MTMR6: variants seen among roughly 807,000 people sequenced by gnomAD.
MTMR6 encodes the protein myotubularin related protein 6.
MTMR6 carries 47 observed loss-of-function variants against 80.1 expected under a neutral mutation model. That is an observed-to-expected ratio of 0.59 (90% CI 0.46 to 0.75). The LOEUF (loss-of-function observed/expected upper bound fraction) is 0.75. Among genes scored for constraint, MTMR6 ranks in the 30% least tolerant of loss-of-function variants. The pLI is 0.00. For synonymous variants in MTMR6, 254 were observed against 253.0 expected (o/e 1.00, Z -0.04); for missense variants, 629 against 730.9 (o/e 0.86, Z 1.61).
chr13:25,258,014 T>G (rs1327525437), intron 7 of MTMR6, among the ~76,000 whole-genome samples, 169 bp from the exon 8 acceptor site: 1 of 152,228 alleles, frequency 6.6e-6, no homozygotes, highest in Non-Finnish European at 1.5e-5. Context: ...CTTGGATATA[T>G]TTTTCTATTA....
intron 1 of MTMR6, among the ~76,000 whole-genome samples, chr13:25,276,729 A>C (rs1220576975): frequency 6.6e-6 from 1 of 152,188 alleles, no homozygotes; most frequent in Non-Finnish European, 1.5e-5. Flanking sequence ...AATGACTCCC[A>C]AAACTGTATG....
chr13:25,260,815 T>C (rs893155744), intron 6 of MTMR6: 3 of 355,304 alleles, frequency 8.4e-6, no homozygotes, highest in Non-Finnish European at 1.3e-5. Context: ...CTGAAATTTG[T>C]CCCAATGATA....
At chr13:25,268,887 C>T (rs1488212298) in intron 2 of MTMR6, among the ~76,000 whole-genome samples, 1 of 152,172 alleles carries the variant, frequency 6.6e-6, no homozygotes. Context: ...CCTAGGAAAC[C>T]CCCTCCCCCT....
chr13:25,269,702 TAAATC>T (rs1376464728), intron 2 of MTMR6, among the ~76,000 whole-genome samples: 4 of 151,922 alleles, frequency 2.6e-5, no homozygotes, highest in African/African-American at 9.7e-5. Flanking sequence ...TTATACATCT[TAAATC>T]TAAAGTTCAC....
chr13:25,272,773 A>G lies in MTMR6; in HGVS notation c.141+1298T>C, dbSNP rs186542926. On this transcript the variant is annotated intron_variant, in intron 2 of 13. Coordinates refer to ENST00000381801, the MANE Select transcript of MTMR6 (RefSeq NM_004685.5). Reference sequence around the variant, plus strand: ...CATCCATGTTGCTGTAAAGGCCATGATTTTGTTCTCTTTTTATGGCTGTGG... The same window carrying G: ...CATCCATGTTGCTGTAAAGGCCATGGTTTTGTTCTCTTTTTATGGCTGTGG... Among the ~76,000 whole-genome samples, 15 of 152,266 alleles carry G rather than the reference A, an allele frequency of 9.9e-5. No individual in the cohort carries two copies. The East Asian group carries it at 2.9e-3, about 29-fold the overall frequency.
chr13:25,259,551 T>C (rs1022605474), intron 6 of MTMR6, among the ~76,000 whole-genome samples: 2 of 152,190 alleles, frequency 1.3e-5, no homozygotes, highest in Non-Finnish European at 2.9e-5. Context: ...ATTCGGTACC[T>C]AAAGTAAAAT....
chr13:25,285,847 C>T (rs1957945091), intron 1 of MTMR6, among the ~76,000 whole-genome samples: 1 of 151,992 alleles, frequency 6.6e-6, no homozygotes. Flanking sequence ...TACCGGTTTT[C>T]GATTGTGTGC....
chr13:25,258,092 A>C (rs9319211), intron 7 of MTMR6, among the ~76,000 whole-genome samples: 103,714 of 152,114 alleles, frequency 0.68, 38,639 homozygotes, highest in Non-Finnish European at 0.84. Context: ...AACTAAAAAT[A>C]ATCTTATATT....
Position 25,251,725 on chromosome 13 carries a change from T to C in MTMR6, c.1529A>G (p.Gln510Arg). 6.3e-7 allele frequency: 1 copy of C among 1,589,770 alleles called. No homozygotes were observed. Reference protein sequence around the residue: ...HQFDRTLHPRQSVFNIIMNMN... With the variant: ...HQFDRTLHPRRSVFNIIMNMN... ...ATTCATAATTATATTAAATACAGAC[T>C]GCCTAGGATGCAGTGTTCGATCAAA... Residue 510 changes from glutamine (Q) to arginine (R), a missense_variant, in exon 13 of 14, where the codon CAG becomes CGG. By Grantham distance (43) the Gln-to-Arg change is conservative. Transcript: ENST00000381801. This position sits in a 1 kb window ranked among gnomAD's most constrained non-coding sequence, Gnocchi z 4.1.
rs1276942740 is a variant in MTMR6, at chr13:25,247,521, C to T, written c.*1711G>A. ...ACCAGAGTTGAATACAAGAAGTCAG[C>T]CACAGAAGATTCTAAAACCACAATC... On this transcript the variant is annotated 3_prime_UTR_variant, in exon 14 of 14. Transcript: ENST00000381801. 2 of 152,178 alleles carry T rather than the reference C, an allele frequency of 1.3e-5. No homozygotes were observed. Among genetic ancestry groups the T allele is most frequent in the Admixed American group, 1.3e-4 (2 of 15,254 alleles). The allele number at this position is 152,178 out of a possible 1,614,324, so 9.4% of individuals were successfully genotyped here. A position where few individuals can be genotyped will look rare whatever the true frequency, so the allele number is the denominator to read the frequency against.
intron 2 of MTMR6, among the ~76,000 whole-genome samples, chr13:25,272,788 T>A (rs963039746): frequency 5.3e-5 from 8 of 152,210 alleles, no homozygotes; most frequent in African/African-American, 1.9e-4. Flanking sequence ...GTTCTCTTTT[T>A]ATGGCTGTGG....
chr13:25,263,144 C>T (rs4617697), intron 5 of MTMR6, among the ~76,000 whole-genome samples: 147,534 of 152,354 alleles, frequency 0.97, 71,599 homozygotes, highest in East Asian at 1. Context: ...GGGGAGATGA[C>T]AGCTGACTAG....
At chr13:25,257,632 A>T in intron 8 of MTMR6, 104 bp downstream of exon 8, 1 of 821,262 alleles carries the variant, frequency 1.2e-6, no homozygotes, top group Non-Finnish European at 1.9e-6. Context: ...GGTAAAAAAT[A>T]ATAAAAGTTA....
At chr13:25,260,684 G>A (rs1402984824) in intron 6 of MTMR6, 4 of 1,259,672 alleles carry the variant, frequency 3.2e-6, no homozygotes, top group Admixed American at 2.9e-5. Context: ...CTCTGCATGC[G>A]ACGCTATAAC....
In MTMR6 at chr13:25,277,625, A is replaced by G. The variant is rs962550156; in HGVS notation, c.25-3438T>C. ...CTATCTTTTCCCTACACAGTGGGTG[A>G]ACAGTAGGTATTCATTCAGTAATTC... On this transcript the variant is annotated intron_variant, in intron 1 of 13. Coordinates refer to ENST00000381801, the MANE Select transcript of MTMR6 (RefSeq NM_004685.5). 7.2e-4 allele frequency among the ~76,000 whole-genome samples: 110 copies of G among 152,224 alleles called. 2 individuals are homozygous for G. Among genetic ancestry groups the G allele is most frequent in the African/African-American group, 2.6e-3 (109 of 41,450 alleles).
intron 1 of MTMR6, among the ~76,000 whole-genome samples, chr13:25,274,671 C>G (rs960569114): frequency 6.6e-6 from 1 of 151,876 alleles, no homozygotes; most frequent in African/African-American, 2.4e-5. Flanking sequence ...GTTTTTTGTC[C>G]ACCTCTGGGC....
rs117781509 is a variant in MTMR6, at chr13:25,273,455, C to A, written c.141+616G>T. On this transcript the variant is annotated intron_variant, in intron 2 of 13. Transcript: ENST00000381801. ...TGTATAAAAACACTGTGGAATATAC[C>A]AAACAATCCGTTTGATCTGTTAATG... Among the ~76,000 whole-genome samples, 770 of 151,074 alleles carry A rather than the reference C, an allele frequency of 5.1e-3. 6 individuals carry two copies. Among genetic ancestry groups the A allele is most frequent in the Non-Finnish European group, 8.2e-3 (559 of 67,820 alleles).
intron 2 of MTMR6, among the ~76,000 whole-genome samples, chr13:25,272,940 T>C (rs1237329240): frequency 6.6e-6 from 1 of 152,170 alleles, no homozygotes; most frequent in East Asian, 1.9e-4. Flanking sequence ...CCTTTGAGTA[T>C]ATATCCAGTA....
intron 2 of MTMR6, among the ~76,000 whole-genome samples, chr13:25,269,299 A>T (rs1331913363): frequency 2.0e-5 from 3 of 152,224 alleles, no homozygotes; most frequent in Non-Finnish European, 4.4e-5. Context: ...TGCCCAAGCC[A>T]GAAATATGGA....
Sources: allele counts gnomAD v4.1 joint callset (sites outside exome capture counted in the v4.1 genomes callset), GRCh38; gene constraint gnomAD v4.1.1; non-coding constraint Gnocchi (gnomAD v3.1); transcripts MANE v1.5; gene names NCBI Gene and HGNC (gene_info 2026-07-23, HGNC 2026-07-21).